The following DOP1B variants were observed in gnomAD, a reference collection of about 807,000 sequenced individuals.
The protein encoded by DOP1B is protein DOP1B.
Under a neutral mutation model 233.5 loss-of-function variants are expected in DOP1B, and 174 were observed. The observed-to-expected ratio is 0.75, with a 90% CI of 0.66 to 0.85. The LOEUF (loss-of-function observed/expected upper bound fraction) is 0.85, where lower values mean the gene tolerates loss of function less well. DOP1B is among the 40% of genes least tolerant of loss of function. The pLI is 0.00. For missense variants in DOP1B, 2,652 were observed against 2,846.6 expected, an observed-to-expected ratio of 0.93 and a Z score of 1.56; for synonymous variants, 1,190 against 1,185.6, an observed-to-expected ratio of 1.00 and a Z score of -0.08.
Position 36,228,166 on chromosome 21 carries a change from A to T in DOP1B, c.1665+289A>T, listed in dbSNP as rs58381020. The stretch of plus-strand genomic sequence containing the variant: ...CAACATAGCAAGCCTTCATCTCTCT[A>T]CAAAATAAAAATTAGGCCAAGTACA... On this transcript the variant is annotated intron_variant, in intron 13 of 36. Transcript: ENST00000691173. Among the ~76,000 whole-genome samples, 1,005 of 152,130 alleles carry T rather than the reference A, an allele frequency of 6.6e-3. 10 individuals carry two copies. Among genetic ancestry groups the T allele is most frequent in the African/African-American group, 0.023 (965 of 41,526 alleles).
chr21:36,247,055 A>G (rs1255389570), intron 19 of DOP1B, among the ~76,000 whole-genome samples: 1 of 151,956 alleles, frequency 6.6e-6, no homozygotes, highest in African/African-American at 2.4e-5. Flanking sequence ...AATTTTTTGT[A>G]TTTTAGTAGA....
intron 15 of DOP1B, among the ~76,000 whole-genome samples, chr21:36,233,557 G>A (rs1973040295): frequency 6.6e-6 from 1 of 152,238 alleles, no homozygotes; most frequent in African/African-American, 2.4e-5. Flanking sequence ...GCTGGGGAAG[G>A]AAGGAGATGA....
chr21:36,244,019 C>CTTTTTTT (rs35020490), intron 18 of DOP1B, among the ~76,000 whole-genome samples: 32 of 70,606 alleles, frequency 4.5e-4, no homozygotes, highest in South Asian at 1.2e-3. Flanking sequence ...TTTTCCTTTC[C>CTTTTTTT]TTTTTTTTTT....
chr21:36,294,200 T>G lies in DOP1B; in HGVS notation c.*629T>G, dbSNP rs1219653886. ...TGTTTTCTTTGTTGAAGCAGTTATA[T>G]GGGTCTTTCTCAGTATATTTCTCTT... On this transcript the variant is annotated 3_prime_UTR_variant, in exon 37 of 37. Transcript: ENST00000691173. The G allele has an allele frequency of 6.5e-6, 1 of 152,844 alleles. No individual in the cohort carries two copies. 9.5% of individuals were successfully genotyped at this position (152,844 alleles called of 1,614,324 possible).
At chr21:36,158,780 C>T (rs1268599950) in intron 1 of DOP1B, among the ~76,000 whole-genome samples, 4 of 128,962 alleles carry the variant, frequency 3.1e-5, no homozygotes, top group Admixed American at 9.4e-5. Flanking sequence ...TCCAGCATGG[C>T]GACAGAGCGA....
At position 36,263,981 on chromosome 21, in the gene DOP1B, G is replaced by A. The variant is rs2067204901; in HGVS notation, c.5487+167G>A. 2.0e-5 allele frequency among the ~76,000 whole-genome samples: 3 copies of A among 152,314 alleles called. No homozygotes were observed. The South Asian group carries it at 6.2e-4, about 32-fold the overall frequency. The stretch of plus-strand genomic sequence containing the variant: ...TGCCATCACTGTCTCTAGAGAGTTC[G>A]GACAGTCCCGGGGCCCGGGTTTTCT... On this transcript the variant is annotated intron_variant, in intron 26 of 36. Transcript: ENST00000691173.
At chr21:36,218,922 C>G (rs1257771431) in intron 9 of DOP1B, among the ~76,000 whole-genome samples, 1 of 152,194 alleles carries the variant, frequency 6.6e-6, no homozygotes, top group Non-Finnish European at 1.5e-5. Flanking sequence ...AGAAGTTGCC[C>G]TGCTCTCTGG....
At chr21:36,174,517 T>G (rs2066003366) in intron 2 of DOP1B, among the ~76,000 whole-genome samples, 1 of 152,030 alleles carries the variant, frequency 6.6e-6, no homozygotes, top group Admixed American at 6.6e-5. Flanking sequence ...AAAACTTGGG[T>G]GAGTCCAACA....
Position 36,169,133 on chromosome 21 carries a change from G to C in DOP1B, c.138+4262G>C, listed in dbSNP as rs1238412121. 3 of 901,874 alleles carry C rather than the reference G, an allele frequency of 3.3e-6. No homozygotes were observed. In the African/African-American group the frequency reaches 4.9e-5, roughly 15 times the overall value. The allele number at this position is 901,874 out of a possible 1,614,324, so 55.9% of individuals were successfully genotyped here. A position where few individuals can be genotyped will look rare whatever the true frequency, so the allele number is the denominator to read the frequency against. ...CCATCGTCTGGTCTGCACCAGCAAA[G>C]ATGTGCAGAGAATGAGCACTCGCTT... is the stretch of plus-strand genomic sequence containing the variant. On this transcript the variant is annotated intron_variant, in intron 2 of 36. Transcript: ENST00000691173.
chr21:36,270,702 TCAGGAGTTCAAGAC>T (rs1231223790), intron 27 of DOP1B, among the ~76,000 whole-genome samples: 10 of 151,146 alleles, frequency 6.6e-5, no homozygotes. Flanking sequence ...TCACCTGAGG[TCAGGAGTTCAAGAC>T]CAGCCTGGCC....
chr21:36,242,225 T>G (rs1457202896), intron 18 of DOP1B, among the ~76,000 whole-genome samples: 5 of 150,724 alleles, frequency 3.3e-5, no homozygotes, highest in Middle Eastern at 3.5e-3. Flanking sequence ...CAGGCTGGAG[T>G]ACAGTGGTGT....
intron 2 of DOP1B, among the ~76,000 whole-genome samples, chr21:36,176,097 C>CATGTGTGTGT (rs1555886144): frequency 7.8e-5 from 11 of 141,744 alleles, no homozygotes; most frequent in East Asian, 2.1e-4. Context: ...GGTGTGTGTG[C>CATGTGTGTGT]GTGTGTGTGT....
At chr21:36,203,775 C>G (rs1294475248) in intron 4 of DOP1B, among the ~76,000 whole-genome samples, 1 of 151,946 alleles carries the variant, frequency 6.6e-6, no homozygotes, top group Non-Finnish European at 1.5e-5. Context: ...TTTAGTGAAC[C>G]ATAAGGAATG....
intron 2 of DOP1B, among the ~76,000 whole-genome samples, chr21:36,181,966 A>G (rs1382753517): frequency 6.6e-6 from 1 of 152,246 alleles, no homozygotes; most frequent in Non-Finnish European, 1.5e-5. Context: ...ATGGCAAGAA[A>G]GGCATGTCAT....
intron 9 of DOP1B, among the ~76,000 whole-genome samples, chr21:36,218,198 G>A (rs190859559): frequency 7.2e-5 from 11 of 152,236 alleles, no homozygotes; most frequent in East Asian, 3.9e-4. Context: ...CTTCATTTTT[G>A]TAACAAGCAT....
At chr21:36,218,589 T>C (rs916292838) in intron 9 of DOP1B, among the ~76,000 whole-genome samples, 2 of 152,168 alleles carry the variant, frequency 1.3e-5, no homozygotes, top group Non-Finnish European at 2.9e-5. Flanking sequence ...AAAATAATTC[T>C]CTCAGAGGCA....
chr21:36,188,553 GC>G (rs2066193244), intron 2 of DOP1B, among the ~76,000 whole-genome samples: 1 of 152,196 alleles, frequency 6.6e-6, no homozygotes, highest in South Asian at 2.1e-4. Context: ...GAGCGTTTGA[GC>G]CTGTGTCACC....
intron 2 of DOP1B, among the ~76,000 whole-genome samples, chr21:36,168,091 A>T (rs2065934001): frequency 6.6e-6 from 1 of 151,278 alleles, no homozygotes; most frequent in South Asian, 2.1e-4. Context: ...CTACAGGCGC[A>T]CACCACCACA....
intron 26 of DOP1B, among the ~76,000 whole-genome samples, chr21:36,269,280 A>G (rs1365368843): frequency 6.7e-6 from 1 of 150,248 alleles, no homozygotes; most frequent in East Asian, 2.0e-4. Context: ...CTCAGCCTCC[A>G]AAGTAGCTGG....
Sources: allele counts gnomAD v4.1 joint callset (sites outside exome capture counted in the v4.1 genomes callset), GRCh38; gene constraint gnomAD v4.1.1; transcripts MANE v1.5; gene names NCBI Gene and HGNC (gene_info 2026-07-23, HGNC 2026-07-21).